GNG12: variants seen among roughly 807,000 people sequenced by gnomAD.
The protein encoded by GNG12 is G protein subunit gamma 12.
For synonymous variants in GNG12, 28 were observed against 29.7 expected (o/e 0.94, Z 0.19); for missense variants, 69 against 83.8 (o/e 0.82, Z 0.69).
intron 2 of GNG12, among the ~76,000 whole-genome samples, chr1:67,759,138 TCC>T (rs993401550): frequency 2.6e-5 from 4 of 152,256 alleles, no homozygotes; most frequent in African/African-American, 9.6e-5. Flanking sequence ...ACCACATGTA[TCC>T]CCCAAATATG....
At chr1:67,753,208 A>G (rs924358831) in intron 2 of GNG12, among the ~76,000 whole-genome samples, 1 of 152,194 alleles carries the variant, frequency 6.6e-6, no homozygotes, top group African/African-American at 2.4e-5. Flanking sequence ...ATACAAGTTG[A>G]GCATCCCAAA....
At chr1:67,726,095 C>A (rs535969984) in intron 2 of GNG12, among the ~76,000 whole-genome samples, 1 of 152,194 alleles carries the variant, frequency 6.6e-6, no homozygotes, top group East Asian at 1.9e-4. Flanking sequence ...AGAACTTCCA[C>A]GGCTAATTTC....
At chr1:67,816,228 G>C (rs1193030128) in intron 1 of GNG12, among the ~76,000 whole-genome samples, 1 of 152,170 alleles carries the variant, frequency 6.6e-6, no homozygotes. Flanking sequence ...AGAGTCCTTA[G>C]TGTGAGTTTA....
intron 1 of GNG12, among the ~76,000 whole-genome samples, chr1:67,814,654 A>G (rs971447953): frequency 7.9e-5 from 12 of 152,180 alleles, no homozygotes; most frequent in African/African-American, 2.4e-4. Flanking sequence ...CGAGCTTTAC[A>G]ATGCTTTATA....
intron 2 of GNG12, among the ~76,000 whole-genome samples, chr1:67,713,777 C>T (rs769810899): frequency 6.6e-4 from 101 of 152,204 alleles, no homozygotes; most frequent in Non-Finnish European, 8.5e-4. Flanking sequence ...ACAATGCAGA[C>T]CTCATAGGGT....
intron 2 of GNG12, among the ~76,000 whole-genome samples, chr1:67,711,169 A>C (rs1372732358): frequency 6.6e-6 from 1 of 152,154 alleles, no homozygotes; most frequent in African/African-American, 2.4e-5. Flanking sequence ...AACACAAACA[A>C]CTTTCTATGA....
chr1:67,746,524 G>A (rs1646508140), intron 2 of GNG12, among the ~76,000 whole-genome samples: 1 of 152,110 alleles, frequency 6.6e-6, no homozygotes. Context: ...TTCGGAGGGA[G>A]CTATGGGGGC....
At chr1:67,788,821 T>G (rs1005129147) in intron 1 of GNG12, among the ~76,000 whole-genome samples, 4 of 152,260 alleles carry the variant, frequency 2.6e-5, no homozygotes, top group Admixed American at 2.6e-4. Flanking sequence ...ACAACAAGAA[T>G]GCACTATAGT....
At chr1:67,789,366 T>G (rs545423221) in intron 1 of GNG12, among the ~76,000 whole-genome samples, 1 of 152,356 alleles carries the variant, frequency 6.6e-6, no homozygotes, top group African/African-American at 2.4e-5. Flanking sequence ...AAAAGATATT[T>G]CTAACATCTA....
chr1:67,797,644 A>C (rs2100791899), intron 1 of GNG12, among the ~76,000 whole-genome samples: 1 of 152,286 alleles, frequency 6.6e-6, no homozygotes, highest in East Asian at 1.9e-4. Flanking sequence ...AAAAATCCCA[A>C]CTTATTTCAC....
chr1:67,780,965 C>G (rs960935344), intron 1 of GNG12, among the ~76,000 whole-genome samples: 1 of 152,262 alleles, frequency 6.6e-6, no homozygotes, highest in Non-Finnish European at 1.5e-5. Context: ...TATTTCTACC[C>G]TGGAGTTCCA....
chr1:67,732,760 G>A (rs937542335), intron 2 of GNG12, among the ~76,000 whole-genome samples: 4 of 152,226 alleles, frequency 2.6e-5, no homozygotes, highest in African/African-American at 9.6e-5. Context: ...ACTAGGGAAA[G>A]GAGCCGGGTT....
intron 2 of GNG12, among the ~76,000 whole-genome samples, chr1:67,729,364 G>A (rs1298935148): frequency 1.3e-5 from 2 of 152,164 alleles, no homozygotes; most frequent in African/African-American, 4.8e-5. Context: ...CTCTACACAG[G>A]AGGCCAGTTC....
chr1:67,758,465 C>T (rs559994745), intron 2 of GNG12, among the ~76,000 whole-genome samples: 14 of 152,340 alleles, frequency 9.2e-5, no homozygotes, highest in Admixed American at 7.8e-4. Context: ...ACCTGGGCAG[C>T]AGACCCCTCT....
intron 1 of GNG12, among the ~76,000 whole-genome samples, chr1:67,827,651 TC>T (rs1647018975): frequency 6.6e-6 from 1 of 151,762 alleles, no homozygotes; most frequent in Admixed American, 6.6e-5. Context: ...GGTCTCGCTC[TC>T]CTGACCTTGT....
chr1:67,747,681 T>C (rs1646515171), intron 2 of GNG12, among the ~76,000 whole-genome samples: 1 of 152,208 alleles, frequency 6.6e-6, no homozygotes, highest in African/African-American at 2.4e-5. Context: ...ACAGAAAGAC[T>C]GAAGTACCTA....
At chr1:67,794,209 CAG>C (rs1646817037) in intron 1 of GNG12, among the ~76,000 whole-genome samples, 1 of 152,186 alleles carries the variant, frequency 6.6e-6, no homozygotes, top group South Asian at 2.1e-4. Context: ...GTCCATCCAC[CAG>C]AGAGTCCTCA....
intron 1 of GNG12, among the ~76,000 whole-genome samples, chr1:67,785,357 T>A (rs1352917903): frequency 6.6e-6 from 1 of 152,198 alleles, no homozygotes; most frequent in Non-Finnish European, 1.5e-5. Flanking sequence ...TATTATTATT[T>A]TTTACCTGGC....
chr1:67,830,081 C>A (rs1557630843), intron 1 of GNG12, among the ~76,000 whole-genome samples: 1 of 148,970 alleles, frequency 6.7e-6, no homozygotes, highest in East Asian at 2.1e-4. Context: ...TCTCGATTCA[C>A]CGCAACCTCC....
Sources: allele counts gnomAD v4.1 joint callset (sites outside exome capture counted in the v4.1 genomes callset), GRCh38; gene constraint gnomAD v4.1.1; transcripts MANE v1.5; gene names NCBI Gene and HGNC (gene_info 2026-07-23, HGNC 2026-07-21).